PTP4A2: variants seen among roughly 807,000 people sequenced by gnomAD.
PTP4A2 encodes protein tyrosine phosphatase 4A2.
Under a neutral mutation model 22.9 loss-of-function variants are expected in PTP4A2, and 2 were observed. That is an observed-to-expected ratio of 0.09 (90% confidence interval 0.04 to 0.27). The LOEUF (loss-of-function observed/expected upper bound fraction) is 0.27. Among genes scored for constraint, PTP4A2 ranks in the 10% least tolerant of loss-of-function variants. PTP4A2 has a pLI of 1.00. For missense variants in PTP4A2, 103 were observed against 205.1 expected (o/e 0.50, Z 3.04); for synonymous variants, 68 against 69.1 (o/e 0.98, Z 0.08).
intron 1 of PTP4A2, among the ~76,000 whole-genome samples, chr1:31,931,797 T>C (rs1652738885): frequency 6.6e-6 from 1 of 152,242 alleles, no homozygotes; most frequent in South Asian, 2.1e-4. Context: ...AATCTATTGT[T>C]TCTCCATCAT....
intron 1 of PTP4A2, among the ~76,000 whole-genome samples, chr1:31,937,288 G>A (rs188392910): frequency 7.0e-4 from 106 of 152,152 alleles, no homozygotes; most frequent in Non-Finnish European, 1.1e-3. Context: ...TAAAATCCCA[G>A]AGCCAGAAGA....
rs200712857 is a variant in PTP4A2 at position 31,909,000 on chromosome 1, A to G, written c.396-40T>C. Reference sequence around the variant, plus strand: ...ATGGCAAACTTTATCATGTAAAAAAAGAGCTGTCTGATTCACTGAAATGCA... The same window carrying G: ...ATGGCAAACTTTATCATGTAAAAAAGGAGCTGTCTGATTCACTGAAATGCA... On this transcript the variant is annotated intron_variant, in intron 5 of 5. Transcript: ENST00000647444. 17 of 1,435,954 alleles carry G rather than the reference A, an allele frequency of 1.2e-5. No homozygotes were observed. The African/African-American group carries it at 2.0e-4, about 17-fold the overall frequency. The allele number at this position is 1,435,954 out of a possible 1,614,324, so 89.0% of individuals were successfully genotyped here.
intron 1 of PTP4A2, among the ~76,000 whole-genome samples, chr1:31,930,489 T>A (rs1209753025): frequency 6.6e-6 from 1 of 152,188 alleles, no homozygotes; most frequent in Non-Finnish European, 1.5e-5. Context: ...AAACTCTCTA[T>A]GGACAAGACA....
intron 2 of PTP4A2, among the ~76,000 whole-genome samples, chr1:31,918,650 T>A (rs1651982459): frequency 6.6e-6 from 1 of 152,256 alleles, no homozygotes; most frequent in Non-Finnish European, 1.5e-5. Context: ...GCTCGTTGCA[T>A]AATGTGTAAC....
chr1:31,916,761 G>A (rs972197088), intron 2 of PTP4A2, among the ~76,000 whole-genome samples: 8 of 152,096 alleles, frequency 5.3e-5, no homozygotes, highest in Admixed American at 1.3e-4. Flanking sequence ...ACAATACCAA[G>A]GAAGATGGGG....
At chr1:31,935,631 A>T (rs1021734600) in intron 1 of PTP4A2, 2 of 152,192 alleles carry the variant, frequency 1.3e-5, no homozygotes, top group Non-Finnish European at 2.9e-5. Context: ...CTGTAAATCC[A>T]TGGGAGCTCA....
rs1270950923 is a variant in PTP4A2, at chr1:31,922,621, TC to T, written c.-593-2964del. Among the ~76,000 whole-genome samples the T allele has an allele frequency of 5.9e-3, 891 of 150,076 alleles. 8 individuals carry two copies. Among genetic ancestry groups the T allele is most frequent in the African/African-American group, 0.02 (796 of 40,286 alleles). ...TTCTTTCTTTCTTTCTTTCTTTCTTTCTTTCTTTCTTTCTTTTATTTATTTT... is the reference window on the plus strand; with the variant it reads ...TTCTTTCTTTCTTTCTTTCTTTCTTTTTTCTTTCTTTCTTTTATTTATTTT... On this transcript the variant is annotated intron_variant, in intron 1 of 5. Coordinates refer to ENST00000647444, the MANE Select transcript of PTP4A2 (RefSeq NM_080391.4).
chr1:31,927,359 G>A (rs1404434439), intron 1 of PTP4A2, among the ~76,000 whole-genome samples: 1 of 152,186 alleles, frequency 6.6e-6, no homozygotes, highest in South Asian at 2.1e-4. Context: ...CTTGAGGGTG[G>A]AGGGTGAGAG....
chr1:31,932,577 C>T (rs978652127), intron 1 of PTP4A2: 9 of 152,326 alleles, frequency 5.9e-5, no homozygotes, highest in African/African-American at 1.9e-4. Flanking sequence ...TATAATCTGT[C>T]AACTCCTCAC....
intron 3 of PTP4A2, chr1:31,914,226 C>A (rs968723726): frequency 2.6e-5 from 12 of 454,992 alleles, no homozygotes; most frequent in African/African-American, 2.2e-4. Flanking sequence ...GCCATCACGT[C>A]CAGCTAATTT....
At chr1:31,914,256 A>G (rs1213674272) in intron 3 of PTP4A2, 1 of 455,744 alleles carries the variant, frequency 2.2e-6, no homozygotes, top group Admixed American at 2.4e-5. Context: ...TCGGAGAGAC[A>G]GGGTTTCACC....
chr1:31,931,117 T>C (rs1652707440), intron 1 of PTP4A2: 2 of 152,202 alleles, frequency 1.3e-5, no homozygotes, highest in Admixed American at 6.5e-5. Flanking sequence ...GTGCACATCA[T>C]ACAAACACTA....
chr1:31,929,215 C>T (rs1056744205), intron 1 of PTP4A2, among the ~76,000 whole-genome samples: 1 of 152,100 alleles, frequency 6.6e-6, no homozygotes, highest in Non-Finnish European at 1.5e-5. Context: ...GGTATTTTTC[C>T]TTTCATAAAT....
chr1:31,919,575 G>A lies in PTP4A2; in HGVS notation c.-510C>T, dbSNP rs1056109150. ...AGAACCTCCAAGCTCACTTGTCAGC[G>A]AAAATGCTGTGCTGAGCCTGGCAGA... On this transcript the variant is annotated 5_prime_UTR_variant, in exon 2 of 6. Coordinates refer to ENST00000647444, the MANE Select transcript of PTP4A2 (RefSeq NM_080391.4). 2.6e-5 allele frequency: 4 copies of A among 152,690 alleles called. No homozygotes were observed. The highest frequency in any genetic ancestry group is 2.1e-4 in the South Asian group (1 of 4,832). 9.5% of individuals were successfully genotyped at this position (152,690 alleles called of 1,614,324 possible).
intron 1 of PTP4A2, 161 bp downstream of exon 1, chr1:31,937,826 C>G (rs1341925096): frequency 1.3e-5 from 2 of 152,698 alleles, no homozygotes; most frequent in African/African-American, 2.4e-5. Context: ...CACGAGCCCG[C>G]CCCTCGCTCA....
intron 1 of PTP4A2, among the ~76,000 whole-genome samples, chr1:31,936,525 G>C (rs950962804): frequency 5.3e-5 from 8 of 152,094 alleles, no homozygotes; most frequent in Non-Finnish European, 1.0e-4. Flanking sequence ...ACTTCTAGGA[G>C]ACATTATTTT....
chr1:31,928,923 G>A (rs1477643287), intron 1 of PTP4A2, among the ~76,000 whole-genome samples: 1 of 152,120 alleles, frequency 6.6e-6, no homozygotes, highest in Admixed American at 6.5e-5. Context: ...GAAGCAATTA[G>A]TCAACAATCG....
intron 1 of PTP4A2, among the ~76,000 whole-genome samples, chr1:31,931,658 G>A (rs1346527176): frequency 1.3e-5 from 2 of 152,162 alleles, no homozygotes; most frequent in Non-Finnish European, 1.5e-5. Context: ...GAAAACAATT[G>A]AGAATATAGC....
intron 1 of PTP4A2, among the ~76,000 whole-genome samples, chr1:31,934,901 GA>G: frequency 6.6e-6 from 1 of 152,170 alleles, no homozygotes; most frequent in East Asian, 1.9e-4. Context: ...TTCTGAGTCA[GA>G]AAATACCCCG....
Sources: gnomAD v4.1 joint callset for allele counts (sites outside exome capture counted in the v4.1 genomes callset) on GRCh38, gnomAD v4.1.1 for gene constraint, MANE v1.5 for transcripts, NCBI Gene and HGNC (gene_info 2026-07-23, HGNC 2026-07-21) for gene names.